PAK5: variants seen among roughly 807,000 people sequenced by gnomAD.
PAK5 encodes the protein p21 (RAC1) activated kinase 5.
Under a neutral mutation model 65.9 loss-of-function variants are expected in PAK5, and 16 were observed. The observed-to-expected ratio is 0.24, with a 90% confidence interval of 0.16 to 0.37. PAK5 has a LOEUF of 0.37. Ranked by LOEUF, PAK5 falls within the 10% of genes least tolerant of loss-of-function variation. PAK5 has a pLI of 1.00. For missense variants in PAK5, 785 were observed against 903.9 expected, an observed-to-expected ratio of 0.87 and a Z score of 1.69; for synonymous variants, 371 against 354.9, an observed-to-expected ratio of 1.05 and a Z score of -0.51.
chr20:9,722,445 T>C (rs899899422), intron 1 of PAK5, among the ~76,000 whole-genome samples: 5 of 151,762 alleles, frequency 3.3e-5, no homozygotes, highest in African/African-American at 1.2e-4. Context: ...ACCCCGTCTC[T>C]ACTAAAACTA....
intron 9 of PAK5, 81 bp from the exon 10 acceptor site, chr20:9,539,698 TATC>T: frequency 8.9e-7 from 1 of 1,126,882 alleles, no homozygotes; most frequent in Non-Finnish European, 1.3e-6. Flanking sequence ...CCATTCATCC[TATC>T]AACAACTTCA....
At chr20:9,624,398 C>G (rs894816403) in intron 3 of PAK5, among the ~76,000 whole-genome samples, 1 of 151,658 alleles carries the variant, frequency 6.6e-6, no homozygotes, top group African/African-American at 2.4e-5. Context: ...ATGTTGAATA[C>G]CTAAAAAAGG....
chr20:9,615,756 A>C (rs1377736097), intron 3 of PAK5, among the ~76,000 whole-genome samples: 1 of 152,212 alleles, frequency 6.6e-6, no homozygotes, highest in Non-Finnish European at 1.5e-5. Context: ...CACTGTAGTC[A>C]GATATTGGCT....
intron 4 of PAK5, among the ~76,000 whole-genome samples, chr20:9,569,848 T>G (rs1208598545): frequency 1.3e-5 from 2 of 151,810 alleles, no homozygotes; most frequent in Non-Finnish European, 2.9e-5. Context: ...CCCTTCCAGC[T>G]TCAAAAACAC....
chr20:9,589,041 T>C (rs1462379623), intron 3 of PAK5, among the ~76,000 whole-genome samples: 2 of 152,230 alleles, frequency 1.3e-5, no homozygotes, highest in African/African-American at 2.4e-5. Flanking sequence ...TTGACAATAA[T>C]GAAGTGTGTA....
At chr20:9,743,084 C>G (rs151158326) in intron 1 of PAK5, among the ~76,000 whole-genome samples, 8 of 152,236 alleles carry the variant, frequency 5.3e-5, no homozygotes, top group Middle Eastern at 3.4e-3. Context: ...GTATAAAAAA[C>G]TGGCCAGGCA....
chr20:9,833,186 C>T (rs980014734), intron 1 of PAK5, among the ~76,000 whole-genome samples: 2 of 152,194 alleles, frequency 1.3e-5, no homozygotes, highest in Non-Finnish European at 1.5e-5. Flanking sequence ...TTTCTATACA[C>T]TTAGCCAATT....
chr20:9,712,986 G>T (rs920587989), intron 1 of PAK5, among the ~76,000 whole-genome samples: 1 of 151,882 alleles, frequency 6.6e-6, no homozygotes, highest in Admixed American at 6.6e-5. Context: ...GACCTCAAAA[G>T]AATAGGCAAA....
chr20:9,646,496 A>G (rs1450461194), intron 2 of PAK5, among the ~76,000 whole-genome samples: 1 of 152,236 alleles, frequency 6.6e-6, no homozygotes, highest in Non-Finnish European at 1.5e-5. Flanking sequence ...GTACTTTACT[A>G]CAAGTAGGTC....
chr20:9,749,011 T>A (rs1299211886), intron 1 of PAK5, among the ~76,000 whole-genome samples: 2 of 151,880 alleles, frequency 1.3e-5, no homozygotes, highest in Non-Finnish European at 2.9e-5. Flanking sequence ...TTACCGCAGG[T>A]TAGTTTGGTT....
intron 1 of PAK5, among the ~76,000 whole-genome samples, chr20:9,713,541 T>C (rs2048103974): frequency 6.6e-6 from 1 of 152,056 alleles, no homozygotes. Context: ...GAAATCAATG[T>C]ATTGAATAGA....
At chr20:9,585,242 T>C (rs1030238769) in intron 3 of PAK5, among the ~76,000 whole-genome samples, 7 of 152,206 alleles carry the variant, frequency 4.6e-5, no homozygotes, top group Admixed American at 2.6e-4. Context: ...TTCAGTCTGC[T>C]ACCATGGAAT....
In PAK5 at chr20:9,744,320, T is replaced by C. The variant is rs561417187; in HGVS notation, c.-161-32885A>G. On this transcript the variant is annotated intron_variant, in intron 1 of 9. Coordinates refer to ENST00000353224, the MANE Select transcript of PAK5 (RefSeq NM_177990.4). ...TCCTGAAACATCAGTTCATTAAGTA[T>C]AAACAAAAACCCAAGTAAGCAATAT... 9.8e-5 allele frequency among the ~76,000 whole-genome samples: 15 copies of C among 152,300 alleles called. No homozygotes were observed. The East Asian group carries it at 2.5e-3, about 25-fold the overall frequency.
intron 2 of PAK5, among the ~76,000 whole-genome samples, chr20:9,671,756 T>C (rs1453134582): frequency 2.7e-5 from 4 of 150,832 alleles, no homozygotes; most frequent in Non-Finnish European, 4.4e-5. Context: ...CCTAATTGAA[T>C]GCCCTTTATT....
chr20:9,556,895 C>T (rs1448538336), intron 7 of PAK5, among the ~76,000 whole-genome samples: 1 of 152,114 alleles, frequency 6.6e-6, no homozygotes, highest in African/African-American at 2.4e-5. Context: ...TAGGGAGCAC[C>T]AGTAGGACAC....
intron 3 of PAK5, among the ~76,000 whole-genome samples, chr20:9,612,428 G>T (rs1451843544): frequency 6.6e-6 from 1 of 152,144 alleles, no homozygotes; most frequent in Non-Finnish European, 1.5e-5. Context: ...TCTGGCATCT[G>T]CTCAGCTTCT....
In PAK5 at chr20:9,580,613, T is replaced by C; in HGVS notation, c.522A>G (p.Lys174=). Residue 174 remains lysine, a synonymous_variant, in exon 4 of 10, where the codon AAA becomes AAG. Coordinates refer to ENST00000353224, the MANE Select transcript of PAK5 (RefSeq NM_177990.4). ...AATAGTAGGCCTCCCCGTGCTTCAT[T>C]TTCATTACGTGCCCATTTTGCTTGG... is the stretch of plus-strand genomic sequence containing the variant. The part of the protein sequence containing the change: ...HAAKQNGHVM[K]MKHGEAYYSE... The C allele has an allele frequency of 6.2e-7, 1 of 1,614,086 alleles. No individual in the cohort carries two copies. The highest frequency in any genetic ancestry group is 8.5e-7 in the Non-Finnish European group (1 of 1,180,012).
At chr20:9,807,644 T>C (rs1384003670) in intron 1 of PAK5, among the ~76,000 whole-genome samples, 1 of 152,012 alleles carries the variant, frequency 6.6e-6, no homozygotes, top group African/African-American at 2.4e-5. Flanking sequence ...ATTCCCTTCC[T>C]GAATACAAAG....
intron 3 of PAK5, among the ~76,000 whole-genome samples, chr20:9,597,363 C>T (rs961526443): frequency 6.6e-6 from 1 of 152,222 alleles, no homozygotes; most frequent in Non-Finnish European, 1.5e-5. Context: ...GGAGAGAAAA[C>T]TGTATGCATG....
Sources: gnomAD v4.1 joint callset for allele counts (sites outside exome capture counted in the v4.1 genomes callset) on GRCh38, gnomAD v4.1.1 for gene constraint, MANE v1.5 for transcripts, NCBI Gene and HGNC (gene_info 2026-07-23, HGNC 2026-07-21) for gene names.